The following ZBTB7C variants were observed in gnomAD, a reference collection of about 807,000 sequenced individuals.
The protein encoded by ZBTB7C is zinc finger and BTB domain-containing protein 7C.
ZBTB7C carries 8 observed loss-of-function variants against 25.7 expected under a neutral mutation model. The observed-to-expected ratio is 0.31, with a 90% CI of 0.18 to 0.56. The LOEUF is 0.56. Ranked by LOEUF, ZBTB7C falls within the 20% of genes least tolerant of loss-of-function variation. The pLI is 0.91. For missense variants in ZBTB7C, 824 were observed against 855.2 expected (o/e 0.96, Z 0.46); for synonymous variants, 394 against 369.0 (o/e 1.07, Z -0.78).
At chr18:48,270,794 C>T (rs1013277047) in intron 2 of ZBTB7C, among the ~76,000 whole-genome samples, 2 of 151,994 alleles carry the variant, frequency 1.3e-5, no homozygotes, top group South Asian at 2.1e-4. Flanking sequence ...CCCACCTTGG[C>T]CTCCCAAAGT....
intron 3 of ZBTB7C, among the ~76,000 whole-genome samples, chr18:48,078,471 C>T (rs1397859995): frequency 1.3e-5 from 2 of 152,198 alleles, no homozygotes; most frequent in African/African-American, 4.8e-5. Flanking sequence ...TTGGCTCACA[C>T]TCCACCGGCA....
chr18:48,194,754 A>G (rs944863907), intron 2 of ZBTB7C, among the ~76,000 whole-genome samples: 2 of 151,854 alleles, frequency 1.3e-5, no homozygotes, highest in East Asian at 1.9e-4. Flanking sequence ...CAGCTGAGGA[A>G]CCCCAAATGC....
intron 2 of ZBTB7C, among the ~76,000 whole-genome samples, chr18:48,226,015 AC>A (rs1325942697): frequency 6.6e-6 from 1 of 152,196 alleles, no homozygotes; most frequent in Non-Finnish European, 1.5e-5. Context: ...TGCTGGCATT[AC>A]AGGCATAAGC....
intron 2 of ZBTB7C, among the ~76,000 whole-genome samples, chr18:48,319,112 C>CTGTGTGTGTGTGTGTG (rs143825394): frequency 0.016 from 2,297 of 147,432 alleles, 33 homozygotes; most frequent in South Asian, 0.036. Context: ...CAGAATGCCT[C>CTGTGTGTGTGTGTGTG]TGTGTGTGTG....
intron 2 of ZBTB7C, among the ~76,000 whole-genome samples, chr18:48,280,871 T>TTTG (rs1568349477): frequency 1.8e-5 from 2 of 110,610 alleles, no homozygotes; most frequent in Non-Finnish European, 2.0e-5. Flanking sequence ...TTTTTTTTTT[T>TTTG]GAGACAGAGT....
chr18:48,198,702 C>A (rs1245702370), intron 2 of ZBTB7C, among the ~76,000 whole-genome samples: 1 of 152,172 alleles, frequency 6.6e-6, no homozygotes, highest in Non-Finnish European at 1.5e-5. Context: ...TCTGATCACC[C>A]AGAGCGATCT....
At chr18:48,146,736 T>C (rs1305375868) in intron 3 of ZBTB7C, among the ~76,000 whole-genome samples, 3 of 152,226 alleles carry the variant, frequency 2.0e-5, no homozygotes, top group Non-Finnish European at 4.4e-5. Flanking sequence ...TTAAATGTTA[T>C]TTGTATATTT....
At chr18:48,121,081 C>T (rs1374974101) in intron 3 of ZBTB7C, among the ~76,000 whole-genome samples, 2 of 152,260 alleles carry the variant, frequency 1.3e-5, no homozygotes, top group Admixed American at 1.3e-4. Context: ...TACTCCTGCG[C>T]TCCCTGCAGA....
chr18:48,199,149 G>C (rs533590245), intron 2 of ZBTB7C, among the ~76,000 whole-genome samples: 32 of 152,166 alleles, frequency 2.1e-4, no homozygotes, highest in African/African-American at 7.7e-4. Context: ...CTCTCTGAAG[G>C]TTCTATAACT....
At chr18:48,095,173 C>T (rs12456362) in intron 3 of ZBTB7C, among the ~76,000 whole-genome samples, 46,758 of 151,986 alleles carry the variant, frequency 0.31, 8,056 homozygotes, top group African/African-American at 0.47. Flanking sequence ...AGACACATTC[C>T]TAGGTCTGGA....
rs71355329 is a variant in ZBTB7C at position 48,040,679 on chromosome 18, G to A, written c.429C>T (p.Asp143=). 25,830 of 1,613,342 alleles carry A rather than the reference G, an allele frequency of 0.016. 298 individuals carry two copies. The highest frequency in any genetic ancestry group is 0.043 in the Middle Eastern group (262 of 6,036). Residue 143 remains aspartate, a synonymous_variant, in exon 4 of 5, where the codon GAC becomes GAT. Transcript: ENST00000590800. ...CCTCATCATCATCATCTTCGTCGTC[G>A]TCATCGTCCTCCTTGTCATCCTCCT... ...GGEEDDKEDD[D]DDEDDDDEED... is the part of the protein sequence containing the mutation.
chr18:48,115,649 G>A (rs1472960671), intron 3 of ZBTB7C, among the ~76,000 whole-genome samples: 3 of 152,112 alleles, frequency 2.0e-5, no homozygotes, highest in Non-Finnish European at 4.4e-5. Flanking sequence ...TTTGGCTATC[G>A]GGAATAATGC....
intron 1 of ZBTB7C, among the ~76,000 whole-genome samples, chr18:48,390,425 C>T (rs2047873454): frequency 6.6e-6 from 1 of 152,118 alleles, no homozygotes; most frequent in Admixed American, 6.5e-5. Context: ...TTAACACACA[C>T]ATATAACAAA....
chr18:48,154,222 G>A (rs901521016), intron 3 of ZBTB7C, among the ~76,000 whole-genome samples: 2 of 152,146 alleles, frequency 1.3e-5, no homozygotes, highest in African/African-American at 4.8e-5. Context: ...GAATGGCCAG[G>A]AGGTCAATCA....
intron 3 of ZBTB7C, among the ~76,000 whole-genome samples, chr18:48,116,748 T>C (rs2039454833): frequency 6.6e-6 from 1 of 152,080 alleles, no homozygotes; most frequent in African/African-American, 2.4e-5. Context: ...GTTGAAATCC[T>C]CCAAGGCCCA....
intron 2 of ZBTB7C, among the ~76,000 whole-genome samples, chr18:48,187,889 G>A (rs1427197598): frequency 6.6e-6 from 1 of 151,364 alleles, no homozygotes; most frequent in Non-Finnish European, 1.5e-5. Context: ...AGGGAGAGGA[G>A]AATGAGGAGT....
intron 1 of ZBTB7C, among the ~76,000 whole-genome samples, chr18:48,341,625 A>T (rs970098178): frequency 1.3e-5 from 2 of 152,192 alleles, no homozygotes; most frequent in African/African-American, 4.8e-5. Context: ...TCCTTAAAGG[A>T]GCTGTTGTAA....
intron 3 of ZBTB7C, among the ~76,000 whole-genome samples, chr18:48,087,984 TA>T (rs1442886116): frequency 6.6e-6 from 1 of 152,198 alleles, no homozygotes; most frequent in Non-Finnish European, 1.5e-5. Flanking sequence ...ACAGTAGCTT[TA>T]TATGAATACA....
At chr18:48,067,105 A>AAAACAAAACAAAACAAAAC (rs1568190749) in intron 3 of ZBTB7C, among the ~76,000 whole-genome samples, 4 of 152,046 alleles carry the variant, frequency 2.6e-5, no homozygotes, top group East Asian at 3.9e-4. Context: ...CCATCTCCAA[A>AAAACAAAACAAAACAAAAC]AAAACAAAAC....
Sources: gnomAD v4.1 joint callset for allele counts (sites outside exome capture counted in the v4.1 genomes callset) on GRCh38, gnomAD v4.1.1 for gene constraint, MANE v1.5 for transcripts, NCBI Gene and HGNC (gene_info 2026-07-23, HGNC 2026-07-21) for gene names.